Variants in MGST3 observed in about 807,000 individuals in gnomAD.
MGST3 encodes microsomal glutathione S-transferase 3, also known as glutathione S-transferase 3, mitochondrial.
A neutral mutation model predicts 15.8 loss-of-function variants in MGST3; 13 were observed. The observed-to-expected ratio is 0.82, with a 90% CI of 0.54 to 1.31. The LOEUF is 1.31. Among genes scored for constraint, MGST3 ranks in the 50% most tolerant of loss-of-function variants. The pLI is 0.00. For missense variants in MGST3, 155 were observed against 192.4 expected, an observed-to-expected ratio of 0.81 and a Z score of 1.15; for synonymous variants, 49 against 68.1, an observed-to-expected ratio of 0.72 and a Z score of 1.38.
At chr1:165,644,049 G>A (rs1007088649) in intron 1 of MGST3, among the ~76,000 whole-genome samples, 2 of 125,088 alleles carry the variant, frequency 1.6e-5, no homozygotes, top group African/African-American at 3.5e-5. Context: ...CAGAGACCCT[G>A]TGTTAAAAAA....
At chr1:165,643,666 G>T (rs904036225) in intron 1 of MGST3, among the ~76,000 whole-genome samples, 3 of 151,778 alleles carry the variant, frequency 2.0e-5, no homozygotes, top group Middle Eastern at 3.2e-3. Flanking sequence ...AGGAGTTTGA[G>T]ACCAGCCTGG....
chr1:165,654,229 G>A, intron 4 of MGST3, 50 bp from the exon 5 acceptor site: 3 of 1,570,922 alleles, frequency 1.9e-6, no homozygotes, highest in South Asian at 2.2e-5. Context: ...TGTTAAAAAA[G>A]GTTTGCTTGT....
chr1:165,652,361 T>C (rs542781551), intron 4 of MGST3, among the ~76,000 whole-genome samples: 2 of 152,328 alleles, frequency 1.3e-5, no homozygotes, highest in East Asian at 3.9e-4. Flanking sequence ...TAGTAATTCA[T>C]TCACACAACA....
Position 165,655,850 on chromosome 1 carries a change from A to G in MGST3, c.*346A>G. 3.3e-6 allele frequency: 1 copy of G among 300,486 alleles called. No individual in the cohort carries two copies. The highest frequency in any genetic ancestry group is 3.3e-5 in the South Asian group (1 of 30,470). 18.6% of individuals were successfully genotyped at this position (300,486 alleles called of 1,614,324 possible). Reference sequence around the variant, plus strand: ...TCTTCTAGCTCTCAGGATATGCATTATCACTTGCTACAGATACTCCAAGGC... The same window carrying G: ...TCTTCTAGCTCTCAGGATATGCATTGTCACTTGCTACAGATACTCCAAGGC... On this transcript the variant is annotated 3_prime_UTR_variant, in exon 6 of 6. Coordinates refer to ENST00000367889, the MANE Select transcript of MGST3 (RefSeq NM_004528.4).
chr1:165,649,842 C>A lies in MGST3; in HGVS notation c.-6C>A. ...CCCAACGTGTTCTTTCTTCCACAGA[C>A]GCAAGATGGCTGTCCTCTCTAAGGA... On this transcript the variant is annotated splice_region_variant and 5_prime_UTR_variant, in exon 2 of 6. Transcript: ENST00000367889. 1 of 1,613,942 alleles carries A rather than the reference C, an allele frequency of 6.2e-7. No homozygotes were observed. The highest frequency in any genetic ancestry group is 1.3e-5 in the African/African-American group (1 of 75,030).
At chr1:165,649,515 G>C (rs1350029016) in intron 1 of MGST3, 2 of 221,160 alleles carry the variant, frequency 9.0e-6, no homozygotes, top group African/African-American at 2.5e-5. Context: ...TGTGATTTTT[G>C]TTGGCTATAT....
At chr1:165,637,950 C>T (rs563256415) in intron 1 of MGST3, among the ~76,000 whole-genome samples, 5 of 152,238 alleles carry the variant, frequency 3.3e-5, no homozygotes, top group African/African-American at 1.2e-4. Context: ...CTACCACCCA[C>T]GGACGTCAGA....
chr1:165,641,546 A>T (rs1202922980), intron 1 of MGST3, among the ~76,000 whole-genome samples: 2 of 152,258 alleles, frequency 1.3e-5, no homozygotes, highest in African/African-American at 4.8e-5. Flanking sequence ...GAACTGTTGC[A>T]TATGTGGACA....
chr1:165,650,431 T>C (rs1331592291), intron 2 of MGST3: 7 of 221,484 alleles, frequency 3.2e-5, no homozygotes, highest in Non-Finnish European at 6.4e-5. Context: ...CCTTTAGTTT[T>C]AGGTGATCTA....
chr1:165,639,191 C>T lies in MGST3; in HGVS notation c.-8+7898C>T, dbSNP rs1375502085. Among the ~76,000 whole-genome samples the T allele has an allele frequency of 6.6e-5, 10 of 152,190 alleles. 1 individual carries two copies. The highest frequency in any genetic ancestry group is 6.5e-4 in the Admixed American group (10 of 15,280). ...CCTGTGGTGCAGCAGGATTCAATTG[C>T]CTTCAATTGAACGTTGCAGAGGACT... On this transcript the variant is annotated intron_variant, in intron 1 of 5. Transcript: ENST00000367889.
At chr1:165,643,754 G>C (rs1648320425) in intron 1 of MGST3, among the ~76,000 whole-genome samples, 1 of 151,880 alleles carries the variant, frequency 6.6e-6, no homozygotes, top group Non-Finnish European at 1.5e-5. Context: ...TGTGATCCCA[G>C]CTATTTGGGA....
chr1:165,653,984 C>T (rs1467397789), intron 4 of MGST3: 1 of 418,556 alleles, frequency 2.4e-6, no homozygotes, highest in South Asian at 2.2e-5. Flanking sequence ...TGAGCTCTGA[C>T]ACAAGTTCCC....
At chr1:165,654,768 G>A (rs1401166276) in intron 5 of MGST3, among the ~76,000 whole-genome samples, 1 of 152,128 alleles carries the variant, frequency 6.6e-6, no homozygotes, top group Non-Finnish European at 1.5e-5. Flanking sequence ...TGATATTTAG[G>A]TGAAAGGTCT....
chr1:165,631,425 C>G (rs976186566), intron 1 of MGST3, 132 bp downstream of exon 1: 1 of 152,760 alleles, frequency 6.5e-6, no homozygotes, highest in African/African-American at 2.4e-5. Flanking sequence ...CTCCCCCCAC[C>G]CTTATCAGTA....
At chr1:165,632,085 G>C (rs1647968442) in intron 1 of MGST3, 1 of 645,918 alleles carries the variant, frequency 1.5e-6, no homozygotes, top group Non-Finnish European at 2.7e-6. Flanking sequence ...TGTGGCTTCT[G>C]CTGATACTTT....
intron 1 of MGST3, among the ~76,000 whole-genome samples, chr1:165,643,966 G>A (rs904148077): frequency 6.6e-6 from 1 of 151,924 alleles, no homozygotes; most frequent in African/African-American, 2.4e-5. Flanking sequence ...GCTGAGTTGG[G>A]AGGATCACCT....
intron 1 of MGST3, 101 bp from the exon 2 acceptor site, chr1:165,649,736 CTATT>C (rs1466027830): frequency 2.2e-6 from 3 of 1,393,662 alleles, no homozygotes; most frequent in Non-Finnish European, 3.0e-6. Flanking sequence ...TTTTTGGTCT[CTATT>C]TACTCATTTG....
intron 1 of MGST3, chr1:165,647,835 A>C (rs1414918456): frequency 2.0e-5 from 3 of 151,102 alleles, no homozygotes; most frequent in Admixed American, 1.3e-4. Context: ...TGATCCTCCC[A>C]CTTCAGCCTC....
At chr1:165,635,460 C>T in intron 1 of MGST3, among the ~76,000 whole-genome samples, 1 of 152,180 alleles carries the variant, frequency 6.6e-6, no homozygotes, top group African/African-American at 2.4e-5. Context: ...TTGGCTTTAA[C>T]AGAGTTTCAA....
Sources: gnomAD v4.1 joint callset for allele counts (sites outside exome capture counted in the v4.1 genomes callset) on GRCh38, gnomAD v4.1.1 for gene constraint, MANE v1.5 for transcripts, NCBI Gene and HGNC (gene_info 2026-07-23, HGNC 2026-07-21) for gene names.